Variants in RABGAP1L observed in about 807,000 individuals in gnomAD.
The protein encoded by RABGAP1L is RAB GTPase activating protein 1 like, also known as rab GTPase-activating protein 1-like.
In RABGAP1L, 63 loss-of-function variants were observed where a neutral mutation model predicts 137.7. The observed-to-expected ratio is 0.46, with a 90% CI of 0.37 to 0.56. The LOEUF is 0.56. RABGAP1L is among the 20% of genes least tolerant of loss of function. RABGAP1L has a pLI of 0.00. For synonymous variants in RABGAP1L, 431 were observed against 433.7 expected (o/e 0.99, Z 0.08); for missense variants, 1,095 against 1,244.0 (o/e 0.88, Z 1.80).
chr1:174,396,541 A>C (rs1321099415), intron 13 of RABGAP1L, among the ~76,000 whole-genome samples: 1 of 151,988 alleles, frequency 6.6e-6, no homozygotes, highest in Non-Finnish European at 1.5e-5. Flanking sequence ...TATCTGATTG[A>C]AATTTTCAGA....
chr1:174,915,499 C>T (rs1170168657), intron 19 of RABGAP1L, among the ~76,000 whole-genome samples: 2 of 152,150 alleles, frequency 1.3e-5, no homozygotes, highest in Non-Finnish European at 2.9e-5. Context: ...GCTCTGTCAC[C>T]AGGCTGGAAT....
chr1:174,749,431 G>A (rs1684161926), intron 17 of RABGAP1L, among the ~76,000 whole-genome samples: 1 of 151,530 alleles, frequency 6.6e-6, no homozygotes, highest in African/African-American at 2.4e-5. Flanking sequence ...CTCAGTTCAA[G>A]CACTCCTCCT....
chr1:174,946,358 A>C (rs771954087), intron 19 of RABGAP1L, among the ~76,000 whole-genome samples: 11 of 152,168 alleles, frequency 7.2e-5, no homozygotes, highest in Non-Finnish European at 1.5e-4. Flanking sequence ...CCTTTTGGGT[A>C]GCTGGGTGCA....
chr1:174,620,036 CAA>C (rs1220169921), intron 13 of RABGAP1L, among the ~76,000 whole-genome samples: 3 of 152,070 alleles, frequency 2.0e-5, no homozygotes, highest in African/African-American at 7.2e-5. Flanking sequence ...TCAAAAGAGA[CAA>C]AGAAGGCCAT....
rs183497757 is a variant in RABGAP1L at position 174,344,356 on chromosome 1, G to A, written c.1466-26623G>A. ...GCATAGTGTGAGGAAGTACTTTCTG[G>A]CCTTTGGACTTTCGTTCTCATAAGT... On this transcript the variant is annotated intron_variant, in intron 11 of 25. Coordinates refer to ENST00000681986, the MANE Select transcript of RABGAP1L (RefSeq NM_001366446.1). Among the ~76,000 whole-genome samples, 3 of 152,232 alleles carry A rather than the reference G, an allele frequency of 2.0e-5. No homozygotes were observed. In the East Asian group the frequency reaches 5.8e-4, roughly 29 times the overall value.
intron 13 of RABGAP1L, among the ~76,000 whole-genome samples, chr1:174,422,967 ATTT>A (rs1198671624): frequency 7.3e-6 from 1 of 137,676 alleles, no homozygotes; most frequent in African/African-American, 2.9e-5. Flanking sequence ...AAAAAAAAAA[ATTT>A]TTTTTGAACC....
chr1:174,796,344 G>A (rs77298890), intron 18 of RABGAP1L, among the ~76,000 whole-genome samples: 3 of 152,090 alleles, frequency 2.0e-5, no homozygotes, highest in African/African-American at 2.4e-5. Context: ...TTACTGAATC[G>A]CAACAACAAT....
intron 1 of RABGAP1L, among the ~76,000 whole-genome samples, chr1:174,180,578 C>A (rs1666271673): frequency 6.6e-6 from 1 of 152,152 alleles, no homozygotes; most frequent in Admixed American, 6.5e-5. Flanking sequence ...GATCTTCCTG[C>A]CTTAGCCTCC....
At chr1:174,804,274 G>GTTTTTTGTTTTTTTTTTTTTTTTTTTTTT (rs1553254975) in intron 18 of RABGAP1L, among the ~76,000 whole-genome samples, 1 of 138,154 alleles carries the variant, frequency 7.2e-6, no homozygotes, top group Non-Finnish European at 1.5e-5. Flanking sequence ...GTTTTGTTTT[G>GTTTTTTGTTTTTTTTTTTTTTTTTTTTTT]TTTTTTGTTT....
chr1:174,808,223 G>A (rs1048402883), intron 18 of RABGAP1L, among the ~76,000 whole-genome samples: 1 of 151,908 alleles, frequency 6.6e-6, no homozygotes, highest in Admixed American at 6.6e-5. Context: ...TCCTGATCTC[G>A]TGATCTGCCC....
At chr1:174,677,186 GT>G (rs1677702057) in intron 14 of RABGAP1L, among the ~76,000 whole-genome samples, 1 of 133,118 alleles carries the variant, frequency 7.5e-6, no homozygotes, top group African/African-American at 3.2e-5. Flanking sequence ...TCCGTGCATG[GT>G]GGCATGTGCC....
intron 13 of RABGAP1L, among the ~76,000 whole-genome samples, chr1:174,432,706 T>A (rs1164943803): frequency 1.3e-5 from 2 of 152,036 alleles, no homozygotes; most frequent in Non-Finnish European, 2.9e-5. Context: ...CCCAGCTAAT[T>A]TTTGTATTTT....
chr1:174,344,049 C>A (rs1682221728), intron 11 of RABGAP1L, among the ~76,000 whole-genome samples: 1 of 152,146 alleles, frequency 6.6e-6, no homozygotes, highest in Non-Finnish European at 1.5e-5. Context: ...TAAATCAAAT[C>A]AAAATGTAGT....
chr1:174,664,356 T>A (rs1380353496), intron 14 of RABGAP1L, among the ~76,000 whole-genome samples: 1 of 152,210 alleles, frequency 6.6e-6, no homozygotes, highest in Non-Finnish European at 1.5e-5. Flanking sequence ...ACTTCACTAT[T>A]TGAATCTTAC....
At chr1:174,785,868 T>C in intron 18 of RABGAP1L, among the ~76,000 whole-genome samples, 1 of 152,210 alleles carries the variant, frequency 6.6e-6, no homozygotes, top group East Asian at 1.9e-4. Context: ...TGGCTAGATA[T>C]TTCAACTTTC....
intron 15 of RABGAP1L, among the ~76,000 whole-genome samples, chr1:174,691,681 A>G (rs1269212533): frequency 6.6e-6 from 1 of 152,220 alleles, no homozygotes; most frequent in African/African-American, 2.4e-5. Flanking sequence ...CCATATTCCA[A>G]CACCTTAATA....
intron 19 of RABGAP1L, among the ~76,000 whole-genome samples, chr1:174,947,228 G>GGC (rs1667029487): frequency 9.4e-6 from 1 of 106,106 alleles, no homozygotes. Context: ...TTTTTTTTCA[G>GGC]ACAGTTTCAC....
At position 174,738,626 on chromosome 1, in the gene RABGAP1L, G is replaced by C. The variant is rs1450306971; in HGVS notation, c.2170-13687G>C. On this transcript the variant is annotated intron_variant, in intron 17 of 25. Transcript: ENST00000681986. ...CTTAACTGGTACTCCTCAATTTACTGTTTAGGAATCTTACACATGGGGGAG... is the reference window on the plus strand; with the variant it reads ...CTTAACTGGTACTCCTCAATTTACTCTTTAGGAATCTTACACATGGGGGAG... Among the ~76,000 whole-genome samples the C allele has an allele frequency of 3.9e-5, 6 of 152,260 alleles. No homozygotes were observed. The South Asian group carries it at 1.0e-3, about 26-fold the overall frequency.
chr1:174,184,664 A>C (rs1188035847), intron 1 of RABGAP1L, among the ~76,000 whole-genome samples: 1 of 152,154 alleles, frequency 6.6e-6, no homozygotes, highest in Non-Finnish European at 1.5e-5. Context: ...ATCCCAGACA[A>C]ATTGGGGCTT....
Sources: gnomAD v4.1 joint callset for allele counts (sites outside exome capture counted in the v4.1 genomes callset) on GRCh38, gnomAD v4.1.1 for gene constraint, MANE v1.5 for transcripts, NCBI Gene and HGNC (gene_info 2026-07-23, HGNC 2026-07-21) for gene names.